EHD4: variants seen among roughly 807,000 people sequenced by gnomAD.
EHD4 encodes EH domain-containing protein 4.
In EHD4, 37 loss-of-function variants were observed where a neutral mutation model predicts 51.0. The ratio of observed to expected loss-of-function variants is 0.73; its 90% CI spans 0.56 to 0.95. The LOEUF (loss-of-function observed/expected upper bound fraction) is 0.95, where lower values mean the gene tolerates loss of function less well. Among genes scored for constraint, EHD4 ranks in the 40% least tolerant of loss-of-function variants. EHD4 has a pLI of 0.00. For synonymous variants in EHD4, 297 were observed against 317.3 expected (o/e 0.94, Z 0.68); for missense variants, 632 against 733.1 (o/e 0.86, Z 1.59).
At chr15:41,935,873 AC>A (rs1223503308) in intron 3 of EHD4, among the ~76,000 whole-genome samples, 1 of 152,168 alleles carries the variant, frequency 6.6e-6, no homozygotes, top group Non-Finnish European at 1.5e-5. Flanking sequence ...GGCTGGAGTT[AC>A]CTGACAGCTC....
intron 2 of EHD4, 121 bp from the exon 3 acceptor site, chr15:41,943,285 G>A: frequency 1.5e-6 from 1 of 678,452 alleles, no homozygotes; most frequent in Non-Finnish European, 2.4e-6. Context: ...GAAGGAGACT[G>A]ACAGAAACTG....
At chr15:41,930,887 C>T (rs1196393298) in intron 3 of EHD4, among the ~76,000 whole-genome samples, 1 of 152,152 alleles carries the variant, frequency 6.6e-6, no homozygotes, top group Non-Finnish European at 1.5e-5. Context: ...AACAGTATTT[C>T]AAAACAGTCA....
chr15:41,936,466 T>A (rs2140996264), intron 3 of EHD4, among the ~76,000 whole-genome samples: 1 of 152,334 alleles, frequency 6.6e-6, no homozygotes, highest in South Asian at 2.1e-4. Flanking sequence ...TTATTATTAT[T>A]ACTCAAAAGA....
chr15:41,972,395 G>A lies in EHD4; in HGVS notation c.100C>T (p.Arg34Cys). Residue 34 changes from arginine (R) to cysteine (C), a missense_variant, in exon 1 of 6, where the codon CGC becomes TGC. Transcript: ENST00000220325. ...VTGGLRSLYL[R>C]KVLPLEEAYR... ...GCCTCCTCCAGCGGCAGCACCTTGC[G>A]CAGGTAGAGCGAGCGCAGCCCGCCC... The A allele has an allele frequency of 1.2e-6, 2 of 1,610,612 alleles. No homozygotes were observed. The highest frequency in any genetic ancestry group is 1.7e-4 in the Middle Eastern group (1 of 5,868).
intron 3 of EHD4, chr15:41,928,506 G>C (rs2067677618): frequency 6.6e-6 from 1 of 152,114 alleles, no homozygotes; most frequent in African/African-American, 2.4e-5. Context: ...TAGAATCAGA[G>C]GTGAGTGTAC....
intron 3 of EHD4, among the ~76,000 whole-genome samples, chr15:41,920,681 T>C (rs931983617): frequency 1.3e-5 from 2 of 152,170 alleles, no homozygotes; most frequent in Non-Finnish European, 2.9e-5. Flanking sequence ...ATTTCAGATA[T>C]GTTTTAAAAC....
At chr15:41,971,494 A>G (rs934030095) in intron 1 of EHD4, among the ~76,000 whole-genome samples, 5 of 152,230 alleles carry the variant, frequency 3.3e-5, no homozygotes, top group African/African-American at 1.2e-4. Flanking sequence ...AAACTATATG[A>G]TTTGAACCAC....
intron 2 of EHD4, among the ~76,000 whole-genome samples, chr15:41,949,047 T>TATATATATAG (rs2067835070): frequency 1.0e-5 from 1 of 97,892 alleles, no homozygotes; most frequent in Non-Finnish European, 2.2e-5. Context: ...TATATATATA[T>TATATATATAG]ATATACACAC....
At chr15:41,935,706 A>G (rs1010294990) in intron 3 of EHD4, among the ~76,000 whole-genome samples, 1 of 152,072 alleles carries the variant, frequency 6.6e-6, no homozygotes, top group Non-Finnish European at 1.5e-5. Context: ...TTTCAATCCC[A>G]CTCAACCACT....
At chr15:41,916,374 G>A (rs562896487) in intron 4 of EHD4, among the ~76,000 whole-genome samples, 2 of 152,276 alleles carry the variant, frequency 1.3e-5, no homozygotes, top group East Asian at 1.9e-4. Flanking sequence ...TGAAGCCTCG[G>A]GGACATAACT....
At position 41,900,628 on chromosome 15, in the gene EHD4, G is replaced by C. The variant is rs200600029; in HGVS notation, c.*17C>G. Reference sequence around the variant, plus strand: ...GCCCAGGTCCCCCAGTTCCCACCCCGTTCTGCAGCCCACCCCTCAGTCGGC... The same window carrying C: ...GCCCAGGTCCCCCAGTTCCCACCCCCTTCTGCAGCCCACCCCTCAGTCGGC... On this transcript the variant is annotated 3_prime_UTR_variant, in exon 6 of 6. Coordinates refer to ENST00000220325, the MANE Select transcript of EHD4 (RefSeq NM_139265.4). The surrounding 1 kb of genome is among the most constrained non-coding windows in gnomAD (Gnocchi z 4.8). 1.3e-3 allele frequency: 2,057 copies of C among 1,563,906 alleles called. 31 individuals are homozygous for C. In the African/African-American group the frequency reaches 0.025, roughly 19 times the overall value.
intron 2 of EHD4, among the ~76,000 whole-genome samples, chr15:41,953,530 A>C (rs1484828595): frequency 6.6e-6 from 1 of 152,148 alleles, no homozygotes; most frequent in Non-Finnish European, 1.5e-5. Flanking sequence ...GTGCAGCCTT[A>C]TAATGTCCAG....
intron 3 of EHD4, among the ~76,000 whole-genome samples, chr15:41,921,166 C>G (rs953673244): frequency 4.6e-5 from 7 of 152,152 alleles, no homozygotes; most frequent in South Asian, 2.1e-4. Flanking sequence ...CCCTTCCCCC[C>G]ACTAGCAGGC....
chr15:41,946,539 G>C (rs1428879776), intron 2 of EHD4, among the ~76,000 whole-genome samples: 1 of 152,108 alleles, frequency 6.6e-6, no homozygotes, highest in African/African-American at 2.4e-5. Context: ...GACCAGCCTG[G>C]GCACCATAAT....
At chr15:41,931,605 G>A (rs8034944) in intron 3 of EHD4, among the ~76,000 whole-genome samples, 125,811 of 152,136 alleles carry the variant, frequency 0.83, 52,368 homozygotes, top group Non-Finnish European at 0.88. Flanking sequence ...TAAATTGACA[G>A]TGCAATTAGC....
intron 3 of EHD4, among the ~76,000 whole-genome samples, chr15:41,939,208 G>T (rs139562452): frequency 6.6e-5 from 10 of 152,262 alleles, no homozygotes; most frequent in African/African-American, 2.4e-4. Context: ...TCTTTCATTG[G>T]CTACTAAAAT....
intron 3 of EHD4, among the ~76,000 whole-genome samples, chr15:41,921,155 G>C (rs1349014521): frequency 6.6e-6 from 1 of 152,128 alleles, no homozygotes; most frequent in African/African-American, 2.4e-5. Flanking sequence ...CCCTCCCTGA[G>C]CCCTTCCCCC....
intron 5 of EHD4, among the ~76,000 whole-genome samples, chr15:41,905,765 G>A (rs2067508470): frequency 6.6e-6 from 1 of 152,178 alleles, no homozygotes; most frequent in South Asian, 2.1e-4. Flanking sequence ...CGACCTCCGG[G>A]CTTAAGCCAT....
intron 3 of EHD4, among the ~76,000 whole-genome samples, chr15:41,932,590 T>C (rs1011214961): frequency 2.0e-5 from 3 of 152,170 alleles, no homozygotes; most frequent in Non-Finnish European, 4.4e-5. Context: ...TCAGGGCATG[T>C]GTGAGAAATA....
Sources: gnomAD v4.1 joint callset for allele counts (sites outside exome capture counted in the v4.1 genomes callset) on GRCh38, gnomAD v4.1.1 for gene constraint, Gnocchi (gnomAD v3.1) non-coding constraint, MANE v1.5 for transcripts, NCBI Gene and HGNC (gene_info 2026-07-23, HGNC 2026-07-21) for gene names.